The following PRKAR2B variants were observed in gnomAD, a reference collection of about 807,000 sequenced individuals.
The protein encoded by PRKAR2B is cAMP-dependent protein kinase type II-beta regulatory subunit.
A neutral mutation model predicts 49.9 loss-of-function variants in PRKAR2B; 14 were observed. That is an observed-to-expected ratio of 0.28 (90% CI 0.19 to 0.44). The LOEUF (loss-of-function observed/expected upper bound fraction) is 0.44. PRKAR2B is among the 20% of genes least tolerant of loss of function. PRKAR2B has a pLI of 1.00. For synonymous variants in PRKAR2B, 196 were observed against 197.7 expected, an observed-to-expected ratio of 0.99 and a Z score of 0.07; for missense variants, 393 against 537.9, an observed-to-expected ratio of 0.73 and a Z score of 2.67.
intron 2 of PRKAR2B, among the ~76,000 whole-genome samples, chr7:107,111,085 G>A (rs546651297): frequency 2.6e-5 from 4 of 152,270 alleles, no homozygotes; most frequent in Middle Eastern, 3.4e-3. Flanking sequence ...CATCATAAGC[G>A]ACTGAAGAGC....
At position 107,153,323 on chromosome 7, in the gene PRKAR2B, A is replaced by G. The variant is rs1796023046; in HGVS notation, c.918+72A>G. On this transcript the variant is annotated intron_variant, in intron 8 of 10. Coordinates refer to ENST00000265717, the MANE Select transcript of PRKAR2B (RefSeq NM_002736.3). ...GGTTCCTGTAGTGGTAGATCTTGATAAACTTTTCATATTTCTAAAATTAGT... is the reference window on the plus strand; with the variant it reads ...GGTTCCTGTAGTGGTAGATCTTGATGAACTTTTCATATTTCTAAAATTAGT... 4 of 1,086,798 alleles carry G rather than the reference A, an allele frequency of 3.7e-6. No individual in the cohort carries two copies. The Admixed American group carries it at 9.9e-5, about 27-fold the overall frequency. 67.3% of individuals were successfully genotyped at this position (1,086,798 alleles called of 1,614,324 possible).
intron 2 of PRKAR2B, among the ~76,000 whole-genome samples, chr7:107,100,352 A>G (rs972308945): frequency 6.6e-6 from 1 of 152,114 alleles, no homozygotes; most frequent in Admixed American, 6.6e-5. Flanking sequence ...ATTGTTTCTG[A>G]TGAGCAGTTA....
At chr7:107,065,978 G>C (rs1794128729) in intron 1 of PRKAR2B, among the ~76,000 whole-genome samples, 1 of 152,128 alleles carries the variant, frequency 6.6e-6, no homozygotes, top group Non-Finnish European at 1.5e-5. Context: ...TACACTTCTG[G>C]GTCTCTTGGG....
chr7:107,111,836 G>A (rs958557187), intron 2 of PRKAR2B, among the ~76,000 whole-genome samples: 6 of 151,398 alleles, frequency 4.0e-5, no homozygotes, highest in African/African-American at 1.2e-4. Context: ...CCCCAATTTA[G>A]AATTTCACCA....
At chr7:107,054,293 G>A (rs528275064) in intron 1 of PRKAR2B, among the ~76,000 whole-genome samples, 2 of 152,228 alleles carry the variant, frequency 1.3e-5, no homozygotes, top group Non-Finnish European at 2.9e-5. Context: ...GGCAGAGCTT[G>A]CAGTGAGCTG....
intron 1 of PRKAR2B, among the ~76,000 whole-genome samples, chr7:107,061,709 G>C (rs151153157): frequency 2.0e-3 from 310 of 152,282 alleles, no homozygotes; most frequent in African/African-American, 7.3e-3. Flanking sequence ...TTTGAGACCA[G>C]CCTGGCCAAC....
At chr7:107,056,625 T>C (rs1024275907) in intron 1 of PRKAR2B, among the ~76,000 whole-genome samples, 1 of 152,218 alleles carries the variant, frequency 6.6e-6, no homozygotes, top group Non-Finnish European at 1.5e-5. Context: ...TTGTCTGTTA[T>C]TGGTGTAAGA....
intron 4 of PRKAR2B, 125 bp from the exon 5 acceptor site, chr7:107,140,721 AC>A (rs1795776389): frequency 1.7e-6 from 1 of 577,100 alleles, no homozygotes; most frequent in Middle Eastern, 5.0e-4. Context: ...TTTTCTGACA[AC>A]ATTTAGTGGT....
At chr7:107,110,719 T>C (rs1795155643) in intron 2 of PRKAR2B, among the ~76,000 whole-genome samples, 1 of 151,770 alleles carries the variant, frequency 6.6e-6, no homozygotes, top group Non-Finnish European at 1.5e-5. Context: ...GCAGGACCCA[T>C]CACCTGCAGA....
intron 2 of PRKAR2B, among the ~76,000 whole-genome samples, chr7:107,119,157 G>A (rs1320837824): frequency 6.6e-6 from 1 of 152,166 alleles, no homozygotes; most frequent in Non-Finnish European, 1.5e-5. Context: ...TTGAGAATTA[G>A]GATTGATTTC....
intron 1 of PRKAR2B, among the ~76,000 whole-genome samples, chr7:107,066,301 G>GGGGTGTGTGTGTGTGT (rs147673007): frequency 1.7e-4 from 25 of 145,512 alleles, no homozygotes; most frequent in African/African-American, 6.5e-4. Flanking sequence ...CTCTATGTGG[G>GGGGTGTGTGTGTGTGT]GTGTGTGTGT....
intron 2 of PRKAR2B, among the ~76,000 whole-genome samples, chr7:107,107,802 T>A (rs1795102753): frequency 6.6e-6 from 1 of 151,898 alleles, no homozygotes; most frequent in Non-Finnish European, 1.5e-5. Flanking sequence ...GGACTATAGG[T>A]GCGCGCCACC....
intron 9 of PRKAR2B, 38 bp from the exon 10 acceptor site, chr7:107,157,148 A>G: frequency 6.2e-7 from 1 of 1,607,994 alleles, no homozygotes; most frequent in African/African-American, 1.3e-5. Context: ...ATTTTTCATA[A>G]GCTGAGGAAA....
chr7:107,076,453 G>A (rs1794398520), intron 2 of PRKAR2B, among the ~76,000 whole-genome samples: 1 of 151,924 alleles, frequency 6.6e-6, no homozygotes, highest in Admixed American at 6.6e-5. Flanking sequence ...TGCTTTTTCA[G>A]AGTTTTGAAG....
intron 2 of PRKAR2B, among the ~76,000 whole-genome samples, chr7:107,095,873 A>G (rs180959968): frequency 6.6e-6 from 1 of 152,160 alleles, no homozygotes; most frequent in Admixed American, 6.6e-5. Context: ...ATGGTGGATA[A>G]GTTTCTTGAT....
chr7:107,117,155 C>T (rs758216775), intron 2 of PRKAR2B, among the ~76,000 whole-genome samples: 1 of 149,210 alleles, frequency 6.7e-6, no homozygotes, highest in Admixed American at 6.8e-5. Flanking sequence ...TAAAAAAATA[C>T]AGTAAGTCTT....
intron 5 of PRKAR2B, among the ~76,000 whole-genome samples, chr7:107,144,095 T>G (rs1795842494): frequency 8.4e-6 from 1 of 118,894 alleles, no homozygotes; most frequent in South Asian, 3.1e-4. Flanking sequence ...TTTATTTATT[T>G]ATTTTTGAGG....
At chr7:107,068,795 TC>T (rs566601487) in intron 1 of PRKAR2B, 13 of 152,210 alleles carry the variant, frequency 8.5e-5, no homozygotes, top group Non-Finnish European at 1.8e-4. Flanking sequence ...TTCTGTTCTC[TC>T]TGAGGCAGCG....
intron 2 of PRKAR2B, among the ~76,000 whole-genome samples, chr7:107,113,177 T>C (rs1472670909): frequency 6.6e-6 from 1 of 152,242 alleles, no homozygotes; most frequent in Non-Finnish European, 1.5e-5. Flanking sequence ...TAAGTAACTT[T>C]AGCTTTACTA....
Sources: gnomAD v4.1 joint callset for allele counts (sites outside exome capture counted in the v4.1 genomes callset) on GRCh38, gnomAD v4.1.1 for gene constraint, MANE v1.5 for transcripts, NCBI Gene and HGNC (gene_info 2026-07-23, HGNC 2026-07-21) for gene names.